BCR: variants seen among roughly 807,000 people sequenced by gnomAD.
BCR encodes breakpoint cluster region protein.
A neutral mutation model predicts 138.6 loss-of-function variants in BCR; 58 were observed. The observed-to-expected ratio is 0.42, with a 90% CI of 0.34 to 0.52. The LOEUF is 0.52. Ranked by LOEUF, BCR falls within the 20% of genes least tolerant of loss-of-function variation. The probability of loss-of-function intolerance (pLI) is 0.06; values close to 1 mark genes in which losing one functional copy is unlikely to be tolerated. For synonymous variants in BCR, 786 were observed against 730.1 expected (o/e 1.08, Z -1.23); for missense variants, 1,599 against 1,727.2 (o/e 0.93, Z 1.32).
chr22:23,250,433 T>C (rs958899711), intron 1 of BCR, among the ~76,000 whole-genome samples: 1 of 152,248 alleles, frequency 6.6e-6, no homozygotes, highest in African/African-American at 2.4e-5. Flanking sequence ...TTTTAGTCTC[T>C]TTCTCTAGTG....
In BCR at chr22:23,268,490, A is replaced by G. The variant is rs140626917; in HGVS notation, c.1835A>G (p.Asn612Ser). The G allele has an allele frequency of 4.2e-5, 68 of 1,613,734 alleles. No homozygotes were observed. The highest frequency in any genetic ancestry group is 2.4e-4 in the African/African-American group (18 of 74,934). ...MEMAEKCCQA[N>S]AQFAEISENL... ...ATGGCTGAGAAGTGCTGTCAGGCCA[A>G]TGCTCAGTTTGCAGAAATCTCCGAG... The change falls in exon 5 of 23, where the codon AAT (asparagine) becomes AGT (serine). Residue 612 changes from asparagine to serine, a missense_variant. Around this residue, in one of 4 missense-constraint regions of BCR, gnomAD observed 590 missense variants for 762.4 expected, o/e 0.77. Coordinates refer to ENST00000305877, the MANE Select transcript of BCR (RefSeq NM_004327.4).
At chr22:23,309,951 A>G in intron 17 of BCR, 1 of 324,458 alleles carries the variant, frequency 3.1e-6, no homozygotes, top group Non-Finnish European at 5.8e-6. Context: ...AGAAAGAGAA[A>G]GCCAGGCACA....
intron 1 of BCR, among the ~76,000 whole-genome samples, chr22:23,246,046 T>C (rs965526566): frequency 6.6e-6 from 1 of 152,174 alleles, no homozygotes; most frequent in African/African-American, 2.4e-5. Flanking sequence ...ATACAACATG[T>C]GGCACTTTGT....
chr22:23,282,001 C>T (rs1246800588), intron 8 of BCR, among the ~76,000 whole-genome samples: 1 of 152,216 alleles, frequency 6.6e-6, no homozygotes, highest in African/African-American at 2.4e-5. Flanking sequence ...GGGGTGCCCT[C>T]TGCTGGTGAT....
intron 1 of BCR, chr22:23,242,983 C>T: frequency 2.3e-6 from 1 of 431,014 alleles, no homozygotes; most frequent in South Asian, 1.7e-5. Context: ...CAAATGGCCT[C>T]CTGTATGCCT....
In BCR at chr22:23,314,009, C is replaced by G. The variant is rs767469720; in HGVS notation, c.3499C>G (p.Leu1167Val). Residue 1167 changes from leucine (L) to valine (V), a missense_variant, in exon 21 of 23, where the codon CTG becomes GTG. Physicochemically the swap from Leu to Val is conservative, Grantham distance 32 (BLOSUM62 1). This residue lies in a region of BCR where 177 missense variants were observed against 226.4 expected (regional missense o/e 0.78). Coordinates refer to ENST00000305877, the MANE Select transcript of BCR (RefSeq NM_004327.4). The stretch of plus-strand genomic sequence containing the variant: ...TGCAAAGGAGAGCTGCATGCTCAAC[C>G]TGCTGCTGTCCCTGCCGGAGGCCAA... The part of the protein sequence containing the change: ...PVAKESCMLN[L>V]LLSLPEANLL... The G allele has an allele frequency of 7.6e-5, 123 of 1,613,938 alleles. No homozygotes were observed. Among genetic ancestry groups the G allele is most frequent in the Non-Finnish European group, 1.0e-4 (121 of 1,180,026 alleles).
chr22:23,262,691 TGGCGGGCCCGGG>T, intron 4 of BCR: 1 of 721,384 alleles, frequency 1.4e-6, no homozygotes, highest in Non-Finnish European at 1.7e-6. Flanking sequence ...CCGCCGGGAA[TGGCGGGCCCGGG>T]TGAGGGCGGG....
At position 23,295,080 on chromosome 22, in the gene BCR, G is replaced by A; in HGVS notation, c.2937G>A (p.Lys979=). The part of the protein sequence containing the change: ...SQTLRILCYE[K]CYNKTKIPKE... ...CCCTGAGGATACTGTGCTATGAAAA[G>A]TGTTACAACAAGACGAAGATCCCCA... Residue 979 remains lysine, a synonymous_variant, in exon 16 of 23, where the codon AAG becomes AAA. Transcript: ENST00000305877. 1 of 1,614,206 alleles carries A rather than the reference G, an allele frequency of 6.2e-7. No individual in the cohort carries two copies. Among genetic ancestry groups the A allele is most frequent in the Non-Finnish European group, 8.5e-7 (1 of 1,180,042 alleles).
chr22:23,314,463 C>T, intron 21 of BCR, 89 bp from the exon 22 acceptor site: 1 of 1,481,112 alleles, frequency 6.8e-7, no homozygotes, highest in South Asian at 1.2e-5. Flanking sequence ...AGGTCACTCC[C>T]TTCCTGAGAA....
chr22:23,196,532 A>G (rs2072484844), intron 1 of BCR, among the ~76,000 whole-genome samples: 1 of 152,184 alleles, frequency 6.6e-6, no homozygotes, highest in African/African-American at 2.4e-5. Flanking sequence ...CGATATCCGC[A>G]GGAAATTGGT....
At chr22:23,196,088 T>C (rs1411864549) in intron 1 of BCR, among the ~76,000 whole-genome samples, 1 of 152,212 alleles carries the variant, frequency 6.6e-6, no homozygotes, top group Non-Finnish European at 1.5e-5. Context: ...TTTTAAATTG[T>C]AGTAAAATAC....
Position 23,273,626 on chromosome 22 carries a change from TG to T in BCR, c.1975-4del. On this transcript the variant is annotated splice_polypyrimidine_tract_variant and splice_region_variant and intron_variant, in intron 7 of 22. Coordinates refer to ENST00000305877, the MANE Select transcript of BCR (RefSeq NM_004327.4). Reference sequence around the variant, plus strand: ...TGTGTCTAACTCAAGTCTTTCTTCCTGGGGCAGGACTTGCTGAAGCACACTC... The same window carrying T: ...TGTGTCTAACTCAAGTCTTTCTTCCTGGGCAGGACTTGCTGAAGCACACTC... 6.2e-7 allele frequency: 1 copy of T among 1,613,494 alleles called. No individual in the cohort carries two copies. The highest frequency in any genetic ancestry group is 1.6e-4 in the Middle Eastern group (1 of 6,062).
At chr22:23,226,968 A>C (rs983093253) in intron 1 of BCR, among the ~76,000 whole-genome samples, 12 of 152,184 alleles carry the variant, frequency 7.9e-5, no homozygotes, top group Admixed American at 6.5e-4. Context: ...GCCAGGATCG[A>C]GCATTTGCCA....
At position 23,181,786 on chromosome 22, in the gene BCR, T is replaced by A; in HGVS notation, c.826T>A (p.Tyr276Asn). 1.2e-6 allele frequency: 2 copies of A among 1,607,828 alleles called. No individual in the cohort carries two copies. The highest frequency in any genetic ancestry group is 2.2e-5 in the South Asian group (2 of 91,066). The change falls in exon 1 of 23, where the codon TAC becomes AAC. Residue 276 changes from tyrosine (Y) to asparagine (N), a missense_variant. Transcript: ENST00000305877. ...CAGGCCCCCTTGGCCGCCCCTGGAG[T>A]ACCAGCCCTACCAGAGCATCTACGT... ...GSRPPWPPLE[Y>N]QPYQSIYVGG...
chr22:23,271,713 T>C, intron 6 of BCR, 121 bp downstream of exon 6: 1 of 937,908 alleles, frequency 1.1e-6, no homozygotes, highest in Non-Finnish European at 1.7e-6. Context: ...GCCTTCCCTG[T>C]TCTCTCTTCA....
chr22:23,271,732 G>A (rs759407982), intron 6 of BCR, 140 bp downstream of exon 6: 1 of 795,778 alleles, frequency 1.3e-6, no homozygotes, highest in Admixed American at 2.2e-5. Flanking sequence ...CAGATAGAGT[G>A]GGCACGAGGA....
At chr22:23,202,373 TA>T (rs2072562810) in intron 1 of BCR, among the ~76,000 whole-genome samples, 1 of 152,164 alleles carries the variant, frequency 6.6e-6, no homozygotes. Flanking sequence ...TAAAATAACA[TA>T]AAATTTACCA....
Position 23,273,671 on chromosome 22 carries a change from A to G in BCR, c.2012A>G (p.His671Arg), listed in dbSNP as rs2073536692. 9 of 1,613,810 alleles carry G rather than the reference A, an allele frequency of 5.6e-6. No homozygotes were observed. Among genetic ancestry groups the G allele is most frequent in the Non-Finnish European group, 7.6e-6 (9 of 1,180,000 alleles). Residue 671 changes from histidine to arginine, a missense_variant, in exon 8 of 23, where the codon CAC (histidine) becomes CGC (arginine). Coordinates refer to ENST00000305877, the MANE Select transcript of BCR (RefSeq NM_004327.4). Reference protein sequence around the residue: ...LKHTPASHPDHPLLQDALRIS... With the variant: ...LKHTPASHPDRPLLQDALRIS... ...CACACTCCTGCCAGCCACCCTGACC[A>G]CCCCTTGCTGCAGGACGCCCTCCGC... is the stretch of plus-strand genomic sequence containing the variant.
chr22:23,276,978 C>T (rs55650428), intron 8 of BCR, among the ~76,000 whole-genome samples: 3,883 of 152,264 alleles, frequency 0.026, 76 homozygotes, highest in Non-Finnish European at 0.027. Flanking sequence ...CTGCGAGGGA[C>T]TTTATGAAAG....
Sources: allele counts gnomAD v4.1 joint callset (sites outside exome capture counted in the v4.1 genomes callset), GRCh38; gene constraint gnomAD v4.1.1; regional missense constraint gnomAD v4.1.1; transcripts MANE v1.5; gene names NCBI Gene and HGNC (gene_info 2026-07-23, HGNC 2026-07-21).